Variants in CILP2 observed in about 807,000 individuals in gnomAD.
The protein encoded by CILP2 is cartilage intermediate layer protein 2.
Under a neutral mutation model 45.6 loss-of-function variants are expected in CILP2, and 38 were observed. That is an observed-to-expected ratio of 0.83 (90% confidence interval 0.64 to 1.09). The LOEUF (loss-of-function observed/expected upper bound fraction) is 1.09. Among genes scored for constraint, CILP2 ranks in the 50% least tolerant of loss-of-function variants. The pLI, the probability that CILP2 is intolerant of heterozygous loss-of-function variation, is 0.00. For synonymous variants in CILP2, 780 were observed against 723.5 expected (o/e 1.08, Z -1.25); for missense variants, 1,735 against 1,662.2 (o/e 1.04, Z -0.76).
Position 19,538,270 on chromosome 19 carries a change from C to T in CILP2, c.-80C>T. On this transcript the variant is annotated 5_prime_UTR_variant, in exon 1 of 8. Coordinates refer to ENST00000291495, the MANE Select transcript of CILP2 (RefSeq NM_153221.2). Reference sequence around the variant, plus strand: ...CGCATCCCGCCCCCACTCTCAGTCCCAGCGGCCGCCAGACCCGCCGGAGTT... The same window carrying T: ...CGCATCCCGCCCCCACTCTCAGTCCTAGCGGCCGCCAGACCCGCCGGAGTT... 1 of 1,367,090 alleles carries T rather than the reference C, an allele frequency of 7.3e-7. No homozygotes were observed. Among genetic ancestry groups the T allele is most frequent in the Non-Finnish European group, 1.0e-6 (1 of 1,003,488 alleles). The allele number at this position is 1,367,090 out of a possible 1,614,324, so 84.7% of individuals were successfully genotyped here. A position where few individuals can be genotyped will look rare whatever the true frequency, so the allele number is the denominator to read the frequency against.
In CILP2 at chr19:19,544,183, C is replaced by A; in HGVS notation, c.1638C>A (p.Gly546=). The change falls in exon 8 of 8, where the codon GGC becomes GGA. Residue 546 remains glycine (G), a synonymous_variant. Transcript: ENST00000291495. Reference sequence around the variant, plus strand: ...TGCCTTTTGATCCTCGAGGTGCCGGCGTGTACCACGAGGTCAAGGCCATGC... The same window carrying A: ...TGCCTTTTGATCCTCGAGGTGCCGGAGTGTACCACGAGGTCAAGGCCATGC... ...RVLPFDPRGA[G]VYHEVKAMRK... is the part of the protein sequence containing the mutation. The A allele has an allele frequency of 6.2e-7, 1 of 1,613,744 alleles. No homozygotes were observed. The highest frequency in any genetic ancestry group is 2.2e-5 in the East Asian group (1 of 44,874).
At position 19,544,246 on chromosome 19, in the gene CILP2, C is replaced by G. The variant is rs367856773; in HGVS notation, c.1701C>G (p.Ser567Arg). 4.3e-6 allele frequency: 7 copies of G among 1,613,756 alleles called. No homozygotes were observed. Among genetic ancestry groups the G allele is most frequent in the Middle Eastern group, 3.3e-4 (2 of 6,082 alleles). ...CGGTCATTTTACATACCAGCCAGAG[C>G]AACACGATCCCCCTGGGCGAGCTGG... is the stretch of plus-strand genomic sequence containing the variant. ...KAPVILHTSQ[S>R]NTIPLGELED... Residue 567 changes from serine to arginine, a missense_variant, in exon 8 of 8, where the codon AGC (serine) becomes AGG (arginine). Transcript: ENST00000291495.
At position 19,546,008 on chromosome 19, in the gene CILP2, C is replaced by T. The variant is rs1417879606; in HGVS notation, c.3463C>T (p.Arg1155Trp). 8.8e-6 allele frequency: 13 copies of T among 1,481,488 alleles called. No homozygotes were observed. The highest frequency in any genetic ancestry group is 6.9e-5 in the South Asian group (5 of 72,362). 91.8% of individuals were successfully genotyped at this position (1,481,488 alleles called of 1,614,324 possible). ...CCTCCGCACCCGCCGGGGTAGGGTC[C>T]GGCAGTGACCTGGGCAGGGGCCTCG... is the stretch of plus-strand genomic sequence containing the variant. ...GPLRTRRGRV[R>W]Q Residue 1155 changes from arginine (R) to tryptophan (W), a missense_variant, in exon 8 of 8, where the codon CGG becomes TGG. Coordinates refer to ENST00000291495, the MANE Select transcript of CILP2 (RefSeq NM_153221.2).
rs201714553 is a variant in CILP2 at position 19,540,306 on chromosome 19, T to G, written c.266T>G (p.Val89Gly). Reference sequence around the variant, plus strand: ...CGCTTCTACTACGGGCCAGCGCGCGTGTGCCCGCGACCGCTGGCGCTGGAA... The same window carrying G: ...CGCTTCTACTACGGGCCAGCGCGCGGGTGCCCGCGACCGCTGGCGCTGGAA... ...AIRFYYGPAR[V>G]CPRPLALEAR... Residue 89 changes from valine to glycine, a missense_variant, in exon 3 of 8, where the codon GTG becomes GGG. Coordinates refer to ENST00000291495, the MANE Select transcript of CILP2 (RefSeq NM_153221.2). 1.9e-4 allele frequency: 294 copies of G among 1,587,310 alleles called. No individual in the cohort carries two copies. The highest frequency in any genetic ancestry group is 1.7e-5 in the Non-Finnish European group (20 of 1,171,178).
In CILP2 at chr19:19,542,880, G is replaced by A. The variant is rs1388030755; in HGVS notation, c.885G>A (p.Val295=). The change falls in exon 6 of 8, where the codon GTG becomes GTA. Residue 295 remains valine, a synonymous_variant. Coordinates refer to ENST00000291495, the MANE Select transcript of CILP2 (RefSeq NM_153221.2). The stretch of plus-strand genomic sequence containing the variant: ...TGACCCCAGAGAAGCCGTACCTGGT[G>A]AAACACCCTGAGTCCCGAGTGCGAG... ...ILDKLEKPYL[V]KHPESRVREA... is the part of the protein sequence containing the mutation. The A allele has an allele frequency of 6.2e-7, 1 of 1,613,946 alleles. No individual in the cohort carries two copies. The highest frequency in any genetic ancestry group is 8.5e-7 in the Non-Finnish European group (1 of 1,179,800).
In CILP2 at chr19:19,538,413, G is replaced by A; in HGVS notation, c.64G>A (p.Asp22Asn). ...VVAAHLAGAR[D>N]ATPTEEPMAT... ...CGCTGCGCACCTGGCGGGGGCCCGA[G>A]GTGAGGCGCCTCCAGCCCCCGCGCC... The change falls in exon 1 of 8, where the codon GAC becomes AAC. Residue 22 changes from aspartate (D) to asparagine (N), a missense_variant and splice_region_variant. Transcript: ENST00000291495. The A allele has an allele frequency of 1.3e-6, 2 of 1,546,910 alleles. No individual in the cohort carries two copies. The highest frequency in any genetic ancestry group is 1.7e-6 in the Non-Finnish European group (2 of 1,155,676).
At chr19:19,542,772 T>C in intron 5 of CILP2, 92 bp from the exon 6 acceptor site, 1 of 1,570,134 alleles carries the variant, frequency 6.4e-7, no homozygotes, top group Non-Finnish European at 8.8e-7. Flanking sequence ...ACAGAGTGAG[T>C]CGGCATTTCT....
At position 19,545,780 on chromosome 19, in the gene CILP2, C is replaced by A. The variant is rs749160838; in HGVS notation, c.3235C>A (p.Arg1079Ser). ...PRLAKEIAIG[R>S]CFDGSSDGFS... ...CTTGGCCAAGGAGATCGCCATTGGC[C>A]GCTGCTTTGATGGTTCCTCTGACGG... Residue 1079 changes from arginine to serine, a missense_variant, in exon 8 of 8, where the codon CGC becomes AGC. Physicochemically the swap from Arg to Ser is moderately radical, Grantham distance 110. Transcript: ENST00000291495. 2.5e-6 allele frequency: 4 copies of A among 1,604,874 alleles called. No homozygotes were observed. The South Asian group carries it at 3.3e-5, about 13-fold the overall frequency.
Position 19,544,016 on chromosome 19 carries a change from G to C in CILP2, c.1471G>C (p.Ala491Pro), listed in dbSNP as rs563378304. Residue 491 changes from alanine (A) to proline (P), a missense_variant, in exon 8 of 8, where the codon GCC becomes CCC. Transcript: ENST00000291495. ...AADSGEPLRF[A>P]RILLGQEPIG... ...TGACTCCGGGGAGCCGCTACGCTTC[G>C]CCAGGATTCTGCTGGGCCAGGAGCC... The C allele has an allele frequency of 1.2e-6, 2 of 1,613,740 alleles. No homozygotes were observed. The highest frequency in any genetic ancestry group is 2.2e-5 in the East Asian group (1 of 44,878).
intron 1 of CILP2, 68 bp from the exon 2 acceptor site, chr19:19,539,611 T>A: frequency 1.8e-5 from 19 of 1,067,400 alleles, no homozygotes; most frequent in Non-Finnish European, 2.4e-5. Flanking sequence ...GCACCTTGCC[T>A]AAAAGGAGGC....
At chr19:19,541,712 G>C (rs1311365252) in intron 4 of CILP2, among the ~76,000 whole-genome samples, 2 of 152,138 alleles carry the variant, frequency 1.3e-5, no homozygotes, top group Non-Finnish European at 2.9e-5. Context: ...CCCCCACCCC[G>C]GTCCCCCACG....
Position 19,540,352 on chromosome 19 carries a change from C to T in CILP2, c.312C>T (p.Ala104=). Residue 104 remains alanine (A), a synonymous_variant, in exon 3 of 8, where the codon GCC becomes GCT. Coordinates refer to ENST00000291495, the MANE Select transcript of CILP2 (RefSeq NM_153221.2). ...LALEARTTDW[A]LPSAVGERVH... ...TGGAAGCGCGCACCACGGACTGGGC[C>T]CTGCCGTCCGCCGTCGGCGAGCGCG... is the stretch of plus-strand genomic sequence containing the variant. 1 of 1,554,544 alleles carries T rather than the reference C, an allele frequency of 6.4e-7. No homozygotes were observed. The highest frequency in any genetic ancestry group is 2.4e-5 in the East Asian group (1 of 41,498).
In CILP2 at chr19:19,545,317, C is replaced by A. The variant is rs779833693; in HGVS notation, c.2772C>A (p.Gly924=). The A allele has an allele frequency of 1.2e-5, 20 of 1,612,452 alleles. No individual in the cohort carries two copies. Among genetic ancestry groups the A allele is most frequent in the Non-Finnish European group, 1.7e-5 (20 of 1,179,788 alleles). ...FREGTPASWT[G]DLLAWWPNPQ... ...AGGGCACACCTGCCTCCTGGACTGG[C>A]GATCTCCTGGCCTGGTGGCCCAACC... is the stretch of plus-strand genomic sequence containing the variant. The change falls in exon 8 of 8, where the codon GGC becomes GGA. Residue 924 remains glycine, a synonymous_variant. Transcript: ENST00000291495.
Position 19,543,973 on chromosome 19 carries a change from G to A in CILP2, c.1428G>A (p.Arg476=), listed in dbSNP as rs1185112963. 8.1e-6 allele frequency: 13 copies of A among 1,613,448 alleles called. No homozygotes were observed. The East Asian group carries it at 2.5e-4, about 30-fold the overall frequency. The change falls in exon 8 of 8, where the codon CGG becomes CGA. Residue 476 remains arginine (R), a synonymous_variant. Transcript: ENST00000291495. ...QKCLPPRGLV[R]GRVVAADSGE... is the part of the protein sequence containing the mutation. ...GTCTGCCCCCTCGGGGGCTGGTCCG[G>A]GGCCGTGTTGTGGCTGCTGACTCCG...
In CILP2 at chr19:19,545,933, C is replaced by A. The variant is rs566930562; in HGVS notation, c.3388C>A (p.Arg1130Ser). 1.3e-6 allele frequency: 2 copies of A among 1,575,176 alleles called. No homozygotes were observed. The highest frequency in any genetic ancestry group is 4.5e-5 in the East Asian group (2 of 43,986). ...CCCGGCGACAGCACTTGGTGACATCCGCAGGGAGATGAGCGAGGCGGCGCA... is the reference window on the plus strand; with the variant it reads ...CCCGGCGACAGCACTTGGTGACATCAGCAGGGAGATGAGCGAGGCGGCGCA... ...ESPATALGDIRREMSEAAQAQ... is the reference protein window; with the variant it reads ...ESPATALGDISREMSEAAQAQ... Residue 1130 changes from arginine to serine, a missense_variant, in exon 8 of 8, where the codon CGC becomes AGC. Transcript: ENST00000291495.
Position 19,540,429 on chromosome 19 carries a change from G to A in CILP2, c.389G>A (p.Arg130His). Residue 130 changes from arginine (R) to histidine (H), a missense_variant, in exon 3 of 8, where the codon CGT (arginine) becomes CAT (histidine). By Grantham distance (29) the Arg-to-His change is conservative. Coordinates refer to ENST00000291495, the MANE Select transcript of CILP2 (RefSeq NM_153221.2). ...TGGTGCCTCAACCGCGAGCAACCGC[G>A]TGGCCGCCGCTGCTCCAACTACCAC... is the stretch of plus-strand genomic sequence containing the variant. Reference protein sequence around the residue: ...GFWCLNREQPRGRRCSNYHVR... With the variant: ...GFWCLNREQPHGRRCSNYHVR... The A allele has an allele frequency of 1.3e-6, 2 of 1,482,724 alleles. No individual in the cohort carries two copies. Among genetic ancestry groups the A allele is most frequent in the Non-Finnish European group, 1.8e-6 (2 of 1,122,358 alleles). The allele number at this position is 1,482,724 out of a possible 1,614,324, so 91.8% of individuals were successfully genotyped here.
rs767975609 is a variant in CILP2 at position 19,542,913 on chromosome 19, C to A, written c.918C>A (p.Gly306=). The change falls in exon 6 of 8, where the codon GGC becomes GGA. Residue 306 remains glycine (G), a synonymous_variant. Transcript: ENST00000291495. ...KHPESRVREA[G]QNVTFCCKAS... is the part of the protein sequence containing the mutation. ...CTGAGTCCCGAGTGCGAGAGGCTGG[C>A]CAGAATGTGACTTTCTGCTGCAAAG... 5.0e-6 allele frequency: 8 copies of A among 1,613,930 alleles called. No individual in the cohort carries two copies. In the African/African-American group the frequency reaches 1.1e-4, roughly 22 times the overall value.
Position 19,545,643 on chromosome 19 carries a change from G to T in CILP2, c.3098G>T (p.Arg1033Leu). Residue 1033 changes from arginine (R) to leucine (L), a missense_variant, in exon 8 of 8, where the codon CGG (arginine) becomes CTG (leucine). By Grantham distance (102) the Arg-to-Leu change is moderately radical. Coordinates refer to ENST00000291495, the MANE Select transcript of CILP2 (RefSeq NM_153221.2). ...GGACTCCTTCGGGATTACCTGACCCGGCACCCCCCACCGGTGCCCGCGGAG... is the reference window on the plus strand; with the variant it reads ...GGACTCCTTCGGGATTACCTGACCCTGCACCCCCCACCGGTGCCCGCGGAG... ...VNGLLRDYLT[R>L]HPPPVPAEDP... 1 of 1,608,224 alleles carries T rather than the reference G, an allele frequency of 6.2e-7. No homozygotes were observed. The highest frequency in any genetic ancestry group is 8.5e-7 in the Non-Finnish European group (1 of 1,177,182).
intron 1 of CILP2, 56 bp downstream of exon 1, chr19:19,538,469 C>G: frequency 7.3e-7 from 1 of 1,372,476 alleles, no homozygotes; most frequent in East Asian, 2.9e-5. Flanking sequence ...GGCCTGGCAG[C>G]CGGCCTTGGG....
Sources: allele counts gnomAD v4.1 joint callset (sites outside exome capture counted in the v4.1 genomes callset), GRCh38; gene constraint gnomAD v4.1.1; transcripts MANE v1.5; gene names NCBI Gene and HGNC (gene_info 2026-07-23, HGNC 2026-07-21).